PGR: variants seen among roughly 807,000 people sequenced by gnomAD.
PGR encodes progesterone receptor, also known as nuclear receptor subfamily 3 group C member 3.
A neutral mutation model predicts 76.1 loss-of-function variants in PGR; 25 were observed. That is an observed-to-expected ratio of 0.33 (90% CI 0.24 to 0.46). The LOEUF is 0.46. Ranked by LOEUF, PGR falls within the 20% of genes least tolerant of loss-of-function variation. The pLI is 1.00. For missense variants in PGR, 1,172 were observed against 1,225.3 expected (o/e 0.96, Z 0.65); for synonymous variants, 579 against 535.0 (o/e 1.08, Z -1.14).
At chr11:101,049,550 T>C (rs1449411063) in intron 6 of PGR, among the ~76,000 whole-genome samples, 1 of 152,196 alleles carries the variant, frequency 6.6e-6, no homozygotes, top group Non-Finnish European at 1.5e-5. Flanking sequence ...ATAACAGGAC[T>C]AGGCGATGAT....
At chr11:101,099,327 T>C (rs1232033628) in intron 2 of PGR, among the ~76,000 whole-genome samples, 1 of 152,226 alleles carries the variant, frequency 6.6e-6, no homozygotes, top group Non-Finnish European at 1.5e-5. Flanking sequence ...TACTATCTGA[T>C]TCCATTAATA....
intron 3 of PGR, among the ~76,000 whole-genome samples, chr11:101,079,256 C>A (rs1591395495): frequency 6.6e-6 from 1 of 152,154 alleles, no homozygotes; most frequent in East Asian, 1.9e-4. Context: ...CATAGGCAAT[C>A]AAGGCAAAAA....
chr11:101,098,466 C>G (rs1227273513), intron 2 of PGR, among the ~76,000 whole-genome samples: 1 of 152,110 alleles, frequency 6.6e-6, no homozygotes, highest in Admixed American at 6.5e-5. Context: ...ACCCACAAGT[C>G]ACGGGCTTGA....
At position 101,057,279 on chromosome 11, in the gene PGR, G is replaced by A. The variant is rs141518906; in HGVS notation, c.2212+5168C>T. Among the ~76,000 whole-genome samples, 710 of 152,252 alleles carry A rather than the reference G, an allele frequency of 4.7e-3. 10 individuals carry two copies. Among genetic ancestry groups the A allele is most frequent in the East Asian group, 0.021 (109 of 5,168 alleles). On this transcript the variant is annotated intron_variant, in intron 4 of 7. Transcript: ENST00000325455. ...AGTTACAGGTCAGTCAAAGGAAGAC[G>A]TGGGAAAAGAGATGGGCTGCCAGGT...
intron 2 of PGR, among the ~76,000 whole-genome samples, chr11:101,108,177 C>T (rs1433290254): frequency 6.6e-6 from 1 of 150,416 alleles, no homozygotes; most frequent in Non-Finnish European, 1.5e-5. Flanking sequence ...TCACTTGAAC[C>T]TGGGAGGCAG....
chr11:101,083,082 C>T (rs1008288980), intron 3 of PGR, among the ~76,000 whole-genome samples: 19 of 152,206 alleles, frequency 1.2e-4, no homozygotes, highest in African/African-American at 4.6e-4. Flanking sequence ...TCTGTGCAGC[C>T]TTGGGACATG....
rs777154733 is a variant in PGR at position 101,128,720 on chromosome 11, A to C, written c.351T>G (p.Thr117=). 6.2e-7 allele frequency: 1 copy of C among 1,611,672 alleles called. No individual in the cohort carries two copies. The highest frequency in any genetic ancestry group is 2.2e-5 in the East Asian group (1 of 44,836). ...DSGLLDSVLD[T]LLAPSGPGQS... ...GCCCGGGACCTGAGGGCGCCAACAG[A>C]GTGTCCAAGACACTGTCCAGCAGTC... is the stretch of plus-strand genomic sequence containing the variant. Residue 117 remains threonine, a synonymous_variant, in exon 1 of 8, where the codon ACT becomes ACG. Coordinates refer to ENST00000325455, the MANE Select transcript of PGR (RefSeq NM_000926.4).
intron 2 of PGR, among the ~76,000 whole-genome samples, chr11:101,103,228 C>A (rs12286055): frequency 6.6e-6 from 1 of 151,928 alleles, no homozygotes; most frequent in Non-Finnish European, 1.5e-5. Context: ...AGGTTGGGGA[C>A]CCCTGCCCTA....
chr11:101,066,473 C>T (rs1860721005), intron 3 of PGR, among the ~76,000 whole-genome samples: 1 of 152,184 alleles, frequency 6.6e-6, no homozygotes, highest in Non-Finnish European at 1.5e-5. Context: ...TATCTATGCT[C>T]TTTCTAGGTG....
intron 6 of PGR, among the ~76,000 whole-genome samples, chr11:101,043,187 C>A (rs1859753104): frequency 6.6e-6 from 1 of 152,198 alleles, no homozygotes; most frequent in Middle Eastern, 3.2e-3. Context: ...GCATTATCAA[C>A]TAAGTTTATG....
chr11:101,083,521 A>G (rs1174288287), intron 3 of PGR, among the ~76,000 whole-genome samples: 1 of 152,220 alleles, frequency 6.6e-6, no homozygotes, highest in African/African-American at 2.4e-5. Context: ...GCCAGCCTGT[A>G]AAAGCAGCTG....
At position 101,128,343 on chromosome 11, in the gene PGR, G is replaced by A. The variant is rs763110021; in HGVS notation, c.728C>T (p.Ala243Val). The A allele has an allele frequency of 1.6e-5, 25 of 1,601,108 alleles. No individual in the cohort carries two copies. In the Admixed American group the frequency reaches 1.8e-4, roughly 12 times the overall value. ...AGPLLKGKPR[A>V]LGGAAAGGGA... is the part of the protein sequence containing the mutation. ...TCCTCCAGCCGCCGCGCCACCCAGA[G>A]CCCGAGGTTTGCCCTTCAGAAGCGG... Residue 243 changes from alanine (A) to valine (V), a missense_variant, in exon 1 of 8, where the codon GCT becomes GTT. By Grantham distance (64) the Ala-to-Val change is moderately conservative. Around this residue, in one of 4 missense-constraint regions of PGR, gnomAD observed 893 missense variants for 785.9 expected, o/e 1.14. Transcript: ENST00000325455.
chr11:101,094,515 C>T (rs930632194), intron 2 of PGR, among the ~76,000 whole-genome samples: 17 of 152,094 alleles, frequency 1.1e-4, no homozygotes, highest in Non-Finnish European at 2.1e-4. Flanking sequence ...TGTGGTGTGC[C>T]ACTGCACACA....
chr11:101,085,612 T>C (rs1861473069), intron 3 of PGR, among the ~76,000 whole-genome samples: 1 of 124,764 alleles, frequency 8.0e-6, no homozygotes, highest in Non-Finnish European at 1.7e-5. Context: ...CAGAACCAAA[T>C]GAAATTGAGA....
chr11:101,120,039 G>A (rs769909524), intron 2 of PGR, among the ~76,000 whole-genome samples: 14 of 152,204 alleles, frequency 9.2e-5, no homozygotes, highest in Non-Finnish European at 1.8e-4. Flanking sequence ...GGCGACTTAA[G>A]TGACTATTAA....
intron 6 of PGR, among the ~76,000 whole-genome samples, chr11:101,046,107 A>G (rs1175564149): frequency 7.4e-6 from 1 of 135,228 alleles, no homozygotes; most frequent in African/African-American, 3.0e-5. Flanking sequence ...AGTGTAATTT[A>G]TTTATTTTTA....
chr11:101,113,518 C>A (rs1356023366), intron 2 of PGR, among the ~76,000 whole-genome samples: 1 of 151,944 alleles, frequency 6.6e-6, no homozygotes, highest in Non-Finnish European at 1.5e-5. Flanking sequence ...GATCTGCCCA[C>A]CTCGGCCTTC....
chr11:101,121,915 C>G (rs1591433513), intron 2 of PGR, among the ~76,000 whole-genome samples: 1 of 151,992 alleles, frequency 6.6e-6, no homozygotes, highest in Non-Finnish European at 1.5e-5. Flanking sequence ...GCCTGTAATC[C>G]CAGCACTTTG....
intron 2 of PGR, among the ~76,000 whole-genome samples, chr11:101,113,916 A>G (rs1207265627): frequency 6.6e-6 from 1 of 152,052 alleles, no homozygotes; most frequent in Non-Finnish European, 1.5e-5. Context: ...TTAAAATAGT[A>G]CATAGAGAGG....
Sources: allele counts gnomAD v4.1 joint callset (sites outside exome capture counted in the v4.1 genomes callset), GRCh38; gene constraint gnomAD v4.1.1; regional missense constraint gnomAD v4.1.1; transcripts MANE v1.5; gene names NCBI Gene and HGNC (gene_info 2026-07-23, HGNC 2026-07-21).